SP4: variants seen among roughly 807,000 people sequenced by gnomAD.
The protein encoded by SP4 is Sp4 transcription factor, also known as transcription factor Sp4.
In SP4, 19 loss-of-function variants were observed where a neutral mutation model predicts 72.8. The observed-to-expected ratio is 0.26, with a 90% CI of 0.18 to 0.38. The LOEUF (loss-of-function observed/expected upper bound fraction) is 0.38. SP4 is among the 10% of genes least tolerant of loss of function. The probability of loss-of-function intolerance (pLI) is 1.00; values close to 1 mark genes in which losing one functional copy is unlikely to be tolerated. For synonymous variants in SP4, 395 were observed against 333.1 expected (o/e 1.19, Z -2.02); for missense variants, 1,008 against 926.3 (o/e 1.09, Z -1.14).
At chr7:21,449,064 A>G (rs866284391) in intron 3 of SP4, among the ~76,000 whole-genome samples, 1 of 152,142 alleles carries the variant, frequency 6.6e-6, no homozygotes, top group Non-Finnish European at 1.5e-5. Context: ...CCTGCATCCT[A>G]ACCACCTCCT....
At chr7:21,454,392 A>G (rs1334105521) in intron 3 of SP4, among the ~76,000 whole-genome samples, 1 of 151,152 alleles carries the variant, frequency 6.6e-6, no homozygotes, top group Non-Finnish European at 1.5e-5. Context: ...ACCATCTACA[A>G]CATACTTGGA....
chr7:21,511,419 T>A lies in SP4; in HGVS notation c.*150T>A. ...TATTCCAGGGTTTGGGGTCAACACGTGAAGTGTTGAATTTTAAAAAATACA... is the reference window on the plus strand; with the variant it reads ...TATTCCAGGGTTTGGGGTCAACACGAGAAGTGTTGAATTTTAAAAAATACA... On this transcript the variant is annotated 3_prime_UTR_variant, in exon 6 of 6. Coordinates refer to ENST00000222584, the MANE Select transcript of SP4 (RefSeq NM_003112.5). 4.1e-6 allele frequency: 3 copies of A among 727,170 alleles called. No individual in the cohort carries two copies. The highest frequency in any genetic ancestry group is 6.6e-6 in the Non-Finnish European group (3 of 455,162). The allele number at this position is 727,170 out of a possible 1,614,324, so 45.0% of individuals were successfully genotyped here.
chr7:21,429,858 C>T lies in SP4; in HGVS notation c.693C>T (p.Val231=). The change falls in exon 3 of 6, where the codon GTC becomes GTT. Residue 231 remains valine, a synonymous_variant. Transcript: ENST00000222584. The stretch of plus-strand genomic sequence containing the variant: ...ACCTGGCAAATCAGACAGTTCCGGT[C>T]CAAATTAGACCTGGTGTTTCAATAC... The part of the protein sequence containing the change: ...AQNLANQTVP[V]QIRPGVSIPL... 1 of 1,614,150 alleles carries T rather than the reference C, an allele frequency of 6.2e-7. No individual in the cohort carries two copies. Among genetic ancestry groups the T allele is most frequent in the Non-Finnish European group, 8.5e-7 (1 of 1,180,012 alleles).
chr7:21,443,564 C>A (rs960761684), intron 3 of SP4, among the ~76,000 whole-genome samples: 15 of 152,224 alleles, frequency 9.9e-5, no homozygotes, highest in African/African-American at 3.6e-4. Flanking sequence ...AATAATGAGT[C>A]AAGTCACCAT....
chr7:21,476,061 A>G (rs1442127946), intron 3 of SP4, among the ~76,000 whole-genome samples: 1 of 152,096 alleles, frequency 6.6e-6, no homozygotes, highest in Non-Finnish European at 1.5e-5. Flanking sequence ...ACCTGAGGTC[A>G]GGAGTTTGAG....
At chr7:21,480,393 G>A (rs1352819133) in intron 4 of SP4, among the ~76,000 whole-genome samples, 1 of 152,154 alleles carries the variant, frequency 6.6e-6, no homozygotes, top group African/African-American at 2.4e-5. Flanking sequence ...TACGAATTCA[G>A]TCTAGTTGCT....
chr7:21,510,847 AT>A (rs1488010014), intron 5 of SP4, among the ~76,000 whole-genome samples, 174 bp from the exon 6 acceptor site: 1 of 152,196 alleles, frequency 6.6e-6, no homozygotes, highest in Non-Finnish European at 1.5e-5. Flanking sequence ...TCTCAATCAC[AT>A]GGTCTTTCTC....
At chr7:21,491,962 C>T (rs190249460) in intron 5 of SP4, among the ~76,000 whole-genome samples, 3 of 152,108 alleles carry the variant, frequency 2.0e-5, no homozygotes, top group South Asian at 2.1e-4. Context: ...AAAAATAAAT[C>T]GTCTTTTCTG....
chr7:21,461,908 A>G (rs1248679407), intron 3 of SP4, among the ~76,000 whole-genome samples: 1 of 152,216 alleles, frequency 6.6e-6, no homozygotes, highest in Non-Finnish European at 1.5e-5. Context: ...GGTTGGTAGA[A>G]GTTTGGTTGT....
intron 1 of SP4, 137 bp from the exon 2 acceptor site, chr7:21,428,540 C>T (rs918780258): frequency 7.1e-6 from 7 of 986,390 alleles, no homozygotes; most frequent in Non-Finnish European, 7.4e-6. Flanking sequence ...CCCCCACCCC[C>T]TGCCGGTGTG....
In SP4 at chr7:21,430,603, C is replaced by G. The variant is rs781248274; in HGVS notation, c.1438C>G (p.Leu480Val). 2 of 1,614,222 alleles carry G rather than the reference C, an allele frequency of 1.2e-6. No homozygotes were observed. The highest frequency in any genetic ancestry group is 3.3e-5 in the Admixed American group (2 of 60,024). The change falls in exon 3 of 6, where the codon CTT becomes GTT. Residue 480 changes from leucine (L) to valine (V), a missense_variant. This residue lies in a region of SP4 where 893 missense variants were observed against 743.3 expected (regional missense o/e 1.20). Coordinates refer to ENST00000222584, the MANE Select transcript of SP4 (RefSeq NM_003112.5). ...TGTACAGGTTCAGAATATTCAGAGT[C>G]TTTCAAATTTGCAAGTTCAGAATGC... is the stretch of plus-strand genomic sequence containing the variant. The part of the protein sequence containing the change: ...QTVQVQNIQS[L>V]SNLQVQNAGL...
rs1482054677 is a variant in SP4 at position 21,428,270 on chromosome 7, C to A, written c.7+12C>A. On this transcript the variant is annotated intron_variant, in intron 1 of 5. Coordinates refer to ENST00000222584, the MANE Select transcript of SP4 (RefSeq NM_003112.5). The stretch of plus-strand genomic sequence containing the variant: ...ATGCGGGATGAGCGGTACGTATTCT[C>A]CACCCCCCTCAGTCTCCTTCGCCGC... The A allele has an allele frequency of 5.1e-6, 7 of 1,384,380 alleles. No individual in the cohort carries two copies. Among genetic ancestry groups the A allele is most frequent in the South Asian group, 4.9e-5 (4 of 81,716 alleles). 85.8% of individuals were successfully genotyped at this position (1,384,380 alleles called of 1,614,324 possible). A position where few individuals can be genotyped will look rare whatever the true frequency, so the allele number is the denominator to read the frequency against.
intron 3 of SP4, among the ~76,000 whole-genome samples, chr7:21,445,791 A>T (rs748436890): frequency 6.6e-6 from 1 of 152,184 alleles, no homozygotes; most frequent in Non-Finnish European, 1.5e-5. Context: ...CAAGGAAATC[A>T]TGGTTTCCCT....
At chr7:21,460,074 G>A (rs982040141) in intron 3 of SP4, among the ~76,000 whole-genome samples, 2 of 152,088 alleles carry the variant, frequency 1.3e-5, no homozygotes, top group African/African-American at 4.8e-5. Context: ...AACCTGGTAG[G>A]CTTGAACTAA....
At chr7:21,439,052 A>G (rs933269004) in intron 3 of SP4, among the ~76,000 whole-genome samples, 4 of 152,190 alleles carry the variant, frequency 2.6e-5, no homozygotes, top group Non-Finnish European at 4.4e-5. Flanking sequence ...AACAATATGT[A>G]TAGGGTTCAG....
At chr7:21,446,585 A>T (rs1783434365) in intron 3 of SP4, among the ~76,000 whole-genome samples, 1 of 152,226 alleles carries the variant, frequency 6.6e-6, no homozygotes, top group African/African-American at 2.4e-5. Flanking sequence ...GTAAAATGAA[A>T]TACTTGAGGT....
rs917665576 is a variant in SP4, at chr7:21,512,178, A to G, written c.*909A>G. On this transcript the variant is annotated 3_prime_UTR_variant, in exon 6 of 6. Transcript: ENST00000222584. ...AGTGTAAATTGTTCTGTAGTTTCAT[A>G]TTTTGTAAATATGAGTTATGTTGAC... 3.3e-5 allele frequency: 5 copies of G among 152,612 alleles called. No individual in the cohort carries two copies. The highest frequency in any genetic ancestry group is 1.2e-4 in the African/African-American group (5 of 41,448). 9.5% of individuals were successfully genotyped at this position (152,612 alleles called of 1,614,324 possible). A position where few individuals can be genotyped will look rare whatever the true frequency, so the allele number is the denominator to read the frequency against.
In SP4 at chr7:21,511,251, C is replaced by T. The variant is rs747060133; in HGVS notation, c.2337C>T (p.Thr779=). Residue 779 remains threonine (T), a synonymous_variant, in exon 6 of 6, where the codon ACC becomes ACT. Coordinates refer to ENST00000222584, the MANE Select transcript of SP4 (RefSeq NM_003112.5). ...DSNPATPNVS[T]NMEEF ...ATCCAGCAACTCCCAATGTTTCAAC[C>T]AACATGGAAGAATTCTGAAAAGTTA... The T allele has an allele frequency of 6.2e-6, 10 of 1,613,886 alleles. No homozygotes were observed. The highest frequency in any genetic ancestry group is 8.5e-6 in the Non-Finnish European group (10 of 1,179,946).
chr7:21,442,683 C>T (rs1783299050), intron 3 of SP4, among the ~76,000 whole-genome samples: 1 of 152,142 alleles, frequency 6.6e-6, no homozygotes, highest in Non-Finnish European at 1.5e-5. Flanking sequence ...AGAAAAGGGC[C>T]ACTTCAGGTT....
Sources: allele counts gnomAD v4.1 joint callset (sites outside exome capture counted in the v4.1 genomes callset), GRCh38; gene constraint gnomAD v4.1.1; regional missense constraint gnomAD v4.1.1; transcripts MANE v1.5; gene names NCBI Gene and HGNC (gene_info 2026-07-23, HGNC 2026-07-21).